The following MID2 variants were observed in gnomAD, a reference collection of about 807,000 sequenced individuals.
MID2 encodes probable E3 ubiquitin-protein ligase MID2.
Under a neutral mutation model 46.1 loss-of-function variants are expected in MID2, and 13 were observed. The observed-to-expected ratio is 0.28, with a 90% CI of 0.18 to 0.45. MID2 has a LOEUF of 0.45. Among genes scored for constraint, MID2 ranks in the 20% least tolerant of loss-of-function variants. MID2 has a pLI of 1.00. For synonymous variants in MID2, 199 were observed against 212.3 expected (o/e 0.94, Z 0.55); for missense variants, 431 against 575.4 (o/e 0.75, Z 2.57).
intron 3 of MID2, among the ~76,000 whole-genome samples, chrX:107,866,690 T>G (rs1308197213): frequency 8.9e-6 from 1 of 112,271 alleles, no homozygotes; most frequent in African/African-American, 3.2e-5. Flanking sequence ...TATAGTCTAG[T>G]TGAGAAAGCA....
rs1236275676 is a variant in MID2 at position 107,841,070 on chromosome X, G to A, written c.405G>A (p.Glu135=). Residue 135 remains glutamate (E), a synonymous_variant, in exon 2 of 10, where the codon GAG becomes GAA. Transcript: ENST00000262843. ...GGCCCACCACTGCCATGTCTAGCGA[G>A]CGAATTGCTTGCCAATTCTGTGAGC... ...TYRPTTAMSS[E]RIACQFCEQD... 11 of 1,209,524 alleles carry A rather than the reference G, an allele frequency of 9.1e-6. No homozygotes were observed. Among genetic ancestry groups the A allele is most frequent in the Non-Finnish European group, 1.2e-5 (11 of 895,170 alleles).
intron 1 of MID2, among the ~76,000 whole-genome samples, chrX:107,840,198 G>C (rs934796371): frequency 1.8e-5 from 2 of 112,013 alleles, no homozygotes; most frequent in Non-Finnish European, 3.8e-5. Flanking sequence ...AGGAAGTAGA[G>C]AGTTACTTTA....
intron 2 of MID2, among the ~76,000 whole-genome samples, chrX:107,844,469 T>C (rs1434496563): frequency 1.8e-5 from 2 of 111,854 alleles, no homozygotes; most frequent in African/African-American, 6.5e-5. Flanking sequence ...ATATATATCT[T>C]AGTTCATGAT....
chrX:107,851,612 C>G (rs1257140219), intron 2 of MID2, among the ~76,000 whole-genome samples: 1 of 110,186 alleles, frequency 9.1e-6, no homozygotes. Flanking sequence ...CCTGATTATG[C>G]CATTACCTTG....
At chrX:107,836,323 C>T (rs1007445892) in intron 1 of MID2, among the ~76,000 whole-genome samples, 7 of 110,337 alleles carry the variant, frequency 6.3e-5, no homozygotes, top group Non-Finnish European at 1.3e-4. Flanking sequence ...GACACGATCT[C>T]GGCTCAAGCA....
At chrX:107,844,487 G>T (rs186473987) in intron 2 of MID2, among the ~76,000 whole-genome samples, 1 of 111,469 alleles carries the variant, frequency 9.0e-6, no homozygotes, top group Non-Finnish European at 1.9e-5. Flanking sequence ...GATATATGGG[G>T]CATTTCTATA....
intron 3 of MID2, among the ~76,000 whole-genome samples, chrX:107,900,242 C>T (rs1271871898): frequency 9.0e-6 from 1 of 111,345 alleles, no homozygotes; most frequent in Non-Finnish European, 1.9e-5. Context: ...ACAAAATACA[C>T]TCACTGGAGT....
intron 3 of MID2, among the ~76,000 whole-genome samples, chrX:107,864,032 G>A (rs1023820830): frequency 3.6e-5 from 4 of 112,422 alleles, no homozygotes; most frequent in Non-Finnish European, 3.8e-5. Context: ...CCTTACTCAA[G>A]GTCACACATA....
intron 3 of MID2, among the ~76,000 whole-genome samples, chrX:107,887,371 A>G (rs1932478122): frequency 1.8e-5 from 2 of 112,038 alleles, no homozygotes; most frequent in African/African-American, 3.3e-5. Flanking sequence ...TTCTGCATCT[A>G]TTGAGATAAT....
chrX:107,897,300 C>T lies in MID2; in HGVS notation c.817-6658C>T, dbSNP rs1295432656. 1.8e-5 allele frequency among the ~76,000 whole-genome samples: 2 copies of T among 111,521 alleles called. 1 individual carries two copies. Among genetic ancestry groups the T allele is most frequent in the African/African-American group, 6.5e-5 (2 of 30,688 alleles). ...CTACTCTCCTAATCCCTCACCCCTT[C>T]CCTGGCCAAAAAAATTACACACTGA... On this transcript the variant is annotated intron_variant, in intron 3 of 9. Transcript: ENST00000262843.
chrX:107,881,523 T>C (rs760422131), intron 3 of MID2, among the ~76,000 whole-genome samples: 1 of 112,100 alleles, frequency 8.9e-6, no homozygotes, highest in Non-Finnish European at 1.9e-5. Flanking sequence ...TCAAAACTTG[T>C]TTTCTGAGAT....
At chrX:107,915,625 C>G (rs1292561403) in intron 5 of MID2, among the ~76,000 whole-genome samples, 3 of 111,029 alleles carry the variant, frequency 2.7e-5, no homozygotes, top group African/African-American at 9.8e-5. Context: ...GACTTGCTGA[C>G]TAGCATAAAC....
chrX:107,827,589 C>T (rs955758692), intron 1 of MID2, among the ~76,000 whole-genome samples: 1 of 111,371 alleles, frequency 9.0e-6, no homozygotes, highest in Non-Finnish European at 1.9e-5. Flanking sequence ...GAAGGGCTGC[C>T]TTTAACCCCA....
At chrX:107,830,253 G>T (rs1014899021) in intron 1 of MID2, among the ~76,000 whole-genome samples, 3 of 112,241 alleles carry the variant, frequency 2.7e-5, no homozygotes, top group African/African-American at 9.7e-5. Context: ...CAGGGCTGTG[G>T]GCACAGAATA....
intron 3 of MID2, among the ~76,000 whole-genome samples, chrX:107,873,638 C>A (rs1026905870): frequency 8.9e-6 from 1 of 112,061 alleles, no homozygotes; most frequent in African/African-American, 3.2e-5. Context: ...TCTTAAGGGG[C>A]CCTCTCAGAT....
chrX:107,890,865 G>A (rs1037712212), intron 3 of MID2, among the ~76,000 whole-genome samples: 1 of 110,450 alleles, frequency 9.1e-6, no homozygotes, highest in African/African-American at 3.3e-5. Flanking sequence ...TTTGATCTCA[G>A]AGTGCTGTGC....
At chrX:107,905,011 A>G (rs1306547516) in intron 4 of MID2, among the ~76,000 whole-genome samples, 1 of 112,155 alleles carries the variant, frequency 8.9e-6, no homozygotes, top group Non-Finnish European at 1.9e-5. Context: ...AAATATGTAC[A>G]TAGAACTGTA....
intron 7 of MID2, among the ~76,000 whole-genome samples, chrX:107,919,478 T>C (rs1008413734): frequency 6.2e-5 from 7 of 112,122 alleles, no homozygotes; most frequent in African/African-American, 1.9e-4. Flanking sequence ...ACCTAATCCA[T>C]CTTTCACATA....
At chrX:107,851,043 A>G (rs1483343312) in intron 2 of MID2, among the ~76,000 whole-genome samples, 1 of 112,292 alleles carries the variant, frequency 8.9e-6, no homozygotes, top group Non-Finnish European at 1.9e-5. Context: ...TGCCTAATAT[A>G]TCAATATATT....
Sources: allele counts gnomAD v4.1 joint callset (sites outside exome capture counted in the v4.1 genomes callset), GRCh38; gene constraint gnomAD v4.1.1; transcripts MANE v1.5; gene names NCBI Gene and HGNC (gene_info 2026-07-23, HGNC 2026-07-21).